Variants in RALYL observed in about 807,000 individuals in gnomAD.
RALYL encodes the protein RALY RNA binding protein like.
A neutral mutation model predicts 35.1 loss-of-function variants in RALYL; 29 were observed. The observed-to-expected ratio is 0.83, with a 90% CI of 0.61 to 1.13. RALYL has a LOEUF of 1.13. Among genes scored for constraint, RALYL ranks in the 50% most tolerant of loss-of-function variants. The pLI, the probability that RALYL is intolerant of heterozygous loss-of-function variation, is 0.00. For synonymous variants in RALYL, 120 were observed against 127.6 expected, an observed-to-expected ratio of 0.94 and a Z score of 0.40; for missense variants, 359 against 360.4, an observed-to-expected ratio of 1.00 and a Z score of 0.03.
chr8:84,764,821 A>C (rs1354335500), intron 2 of RALYL, among the ~76,000 whole-genome samples: 1 of 152,256 alleles, frequency 6.6e-6, no homozygotes, highest in East Asian at 1.9e-4. Flanking sequence ...ACTATTAAGG[A>C]CATACTTCAA....
chr8:84,811,148 G>A (rs529535783), intron 4 of RALYL, among the ~76,000 whole-genome samples: 24 of 151,770 alleles, frequency 1.6e-4, no homozygotes, highest in African/African-American at 2.2e-4. Context: ...GTTTTGATGC[G>A]TTTCCAGGAT....
At chr8:84,904,982 C>A (rs1198562665) in intron 8 of RALYL, among the ~76,000 whole-genome samples, 2 of 152,134 alleles carry the variant, frequency 1.3e-5, no homozygotes, top group Non-Finnish European at 2.9e-5. Context: ...ATCTTTAAAA[C>A]ATTTTAAGGG....
intron 1 of RALYL, among the ~76,000 whole-genome samples, chr8:84,328,329 T>C (rs1326237463): frequency 6.6e-6 from 1 of 152,236 alleles, no homozygotes; most frequent in East Asian, 1.9e-4. Context: ...TTTTAAGTGC[T>C]CTTCATGAAG....
rs192425611 is a variant in RALYL at position 84,752,107 on chromosome 8, T to A, written c.257-22472T>A. ...GAAATGCTGATAGTGATATGGACGA[T>A]GAAGTCCAGGCTAAGGAGGTCTCAG... On this transcript the variant is annotated intron_variant, in intron 2 of 8. Transcript: ENST00000521268. Among the ~76,000 whole-genome samples, 774 of 152,320 alleles carry A rather than the reference T, an allele frequency of 5.1e-3. 5 individuals carry two copies. The highest frequency in any genetic ancestry group is 7.0e-3 in the Non-Finnish European group (479 of 68,028).
chr8:84,239,814 C>T (rs987489603), intron 1 of RALYL, among the ~76,000 whole-genome samples: 1 of 152,134 alleles, frequency 6.6e-6, no homozygotes, highest in African/African-American at 2.4e-5. Context: ...TCGCTGGAAT[C>T]TGGGAGGCAG....
chr8:84,505,571 A>G (rs2057096828), intron 1 of RALYL, among the ~76,000 whole-genome samples: 1 of 152,074 alleles, frequency 6.6e-6, no homozygotes, highest in African/African-American at 2.4e-5. Flanking sequence ...TTCAACTTTG[A>G]TTTTAGGTTC....
chr8:84,651,497 GT>G (rs1588764206), intron 2 of RALYL, among the ~76,000 whole-genome samples: 1 of 151,810 alleles, frequency 6.6e-6, no homozygotes, highest in East Asian at 1.9e-4. Context: ...CAACCTCCAG[GT>G]TTTGGCAGCA....
intron 8 of RALYL, among the ~76,000 whole-genome samples, chr8:84,907,449 C>A (rs982721467): frequency 6.6e-6 from 1 of 151,958 alleles, no homozygotes; most frequent in African/African-American, 2.4e-5. Flanking sequence ...AGGAACAATG[C>A]TGAGTTTTTT....
At chr8:84,530,329 A>G (rs2059194211) in intron 2 of RALYL, among the ~76,000 whole-genome samples, 1 of 152,074 alleles carries the variant, frequency 6.6e-6, no homozygotes, top group Non-Finnish European at 1.5e-5. Context: ...TGTCTAGATT[A>G]ATATATCAAA....
Position 84,213,709 on chromosome 8 carries a change from A to T in RALYL, c.-24+29285A>T, listed in dbSNP as rs1313211742. Among the ~76,000 whole-genome samples, 5 of 152,348 alleles carry T rather than the reference A, an allele frequency of 3.3e-5. No individual in the cohort carries two copies. In the East Asian group the frequency reaches 7.7e-4, roughly 23 times the overall value. ...ATCCCACTTTGAAAACAAATCCCTG[A>T]AATGAATTTCATGTATTTCCATTAA... On this transcript the variant is annotated intron_variant, in intron 1 of 8. Coordinates refer to ENST00000521268, the MANE Select transcript of RALYL (RefSeq NM_173848.7).
chr8:84,786,399 G>A (rs905352609), intron 3 of RALYL, among the ~76,000 whole-genome samples: 8 of 152,092 alleles, frequency 5.3e-5, no homozygotes, highest in African/African-American at 1.7e-4. Flanking sequence ...TTGAGGAATC[G>A]CCACACTGTC....
At chr8:84,539,854 GTATATATATATATATATATA>G (rs1294869865) in intron 2 of RALYL, among the ~76,000 whole-genome samples, 1 of 24,204 alleles carries the variant, frequency 4.1e-5, no homozygotes, top group Non-Finnish European at 1.1e-4. Flanking sequence ...ATATATATAT[GTATATATATATATATATATA>G]TATGTATATA....
intron 2 of RALYL, among the ~76,000 whole-genome samples, chr8:84,700,224 C>T (rs897425942): frequency 1.3e-5 from 2 of 151,922 alleles, no homozygotes; most frequent in African/African-American, 4.8e-5. Context: ...AAACAATTAC[C>T]ACTAAGGAGA....
chr8:84,389,939 C>T (rs868335455), intron 1 of RALYL, among the ~76,000 whole-genome samples: 122 of 151,642 alleles, frequency 8.0e-4, no homozygotes, highest in African/African-American at 2.8e-3. Context: ...AAAGGGAATG[C>T]TTCCAGTTTT....
chr8:84,860,341 G>A (rs1837870391), intron 5 of RALYL, among the ~76,000 whole-genome samples: 1 of 152,138 alleles, frequency 6.6e-6, no homozygotes, highest in Admixed American at 6.5e-5. Flanking sequence ...CCTGCTAAAA[G>A]AGCTTGCCTT....
chr8:84,364,228 C>T (rs1853726024), intron 1 of RALYL, among the ~76,000 whole-genome samples: 1 of 152,110 alleles, frequency 6.6e-6, no homozygotes, highest in African/African-American at 2.4e-5. Context: ...ATGAGGGAGG[C>T]TGCCATTTTC....
At chr8:84,863,852 G>GTAGA (rs1457930595) in intron 6 of RALYL, among the ~76,000 whole-genome samples, 1 of 152,088 alleles carries the variant, frequency 6.6e-6, no homozygotes, top group Non-Finnish European at 1.5e-5. Flanking sequence ...TATCTATTCT[G>GTAGA]TAGATAGATA....
chr8:84,816,032 C>CAAAA (rs5892931), intron 4 of RALYL, among the ~76,000 whole-genome samples: 1 of 84,186 alleles, frequency 1.2e-5, no homozygotes, highest in African/African-American at 4.5e-5. Context: ...GACTCTGTCT[C>CAAAA]AAAAAAAAAA....
At chr8:84,188,420 T>A (rs1005166378) in intron 1 of RALYL, among the ~76,000 whole-genome samples, 24 of 152,226 alleles carry the variant, frequency 1.6e-4, no homozygotes, top group Middle Eastern at 3.4e-3. Context: ...TTATTGTTAT[T>A]ATTCTCTTAT....
Sources: gnomAD v4.1 joint callset for allele counts (sites outside exome capture counted in the v4.1 genomes callset) on GRCh38, gnomAD v4.1.1 for gene constraint, MANE v1.5 for transcripts, NCBI Gene and HGNC (gene_info 2026-07-23, HGNC 2026-07-21) for gene names.